TLL1: variants seen among roughly 807,000 people sequenced by gnomAD.
TLL1 encodes the protein tolloid like 1.
TLL1 carries 49 observed loss-of-function variants against 128.2 expected under a neutral mutation model. The ratio of observed to expected loss-of-function variants is 0.38; its 90% CI spans 0.30 to 0.48. The LOEUF (loss-of-function observed/expected upper bound fraction) is 0.48. Among genes scored for constraint, TLL1 ranks in the 20% least tolerant of loss-of-function variants. The pLI, the probability that TLL1 is intolerant of heterozygous loss-of-function variation, is 0.96. For synonymous variants in TLL1, 454 were observed against 418.8 expected (o/e 1.08, Z -1.03); for missense variants, 1,123 against 1,242.0 (o/e 0.90, Z 1.44).
chr4:165,997,148 T>G (rs1736920928), intron 5 of TLL1, among the ~76,000 whole-genome samples: 1 of 152,128 alleles, frequency 6.6e-6, no homozygotes, highest in African/African-American at 2.4e-5. Context: ...ACATCATATT[T>G]CATGATGATT....
intron 9 of TLL1, among the ~76,000 whole-genome samples, chr4:166,032,784 T>A (rs1183114691): frequency 6.6e-6 from 1 of 152,070 alleles, no homozygotes; most frequent in Non-Finnish European, 1.5e-5. Flanking sequence ...TAAAGTTGTT[T>A]TTATAAAAAT....
chr4:166,038,971 C>A (rs551263907), intron 9 of TLL1, among the ~76,000 whole-genome samples: 18 of 152,160 alleles, frequency 1.2e-4, no homozygotes, highest in African/African-American at 3.9e-4. Flanking sequence ...AAATAGAATT[C>A]TTCATGGCTC....
chr4:165,973,579 AG>A (rs1735729421), intron 1 of TLL1, among the ~76,000 whole-genome samples: 1 of 151,772 alleles, frequency 6.6e-6, no homozygotes, highest in African/African-American at 2.4e-5. Flanking sequence ...AGGGGAGGTA[AG>A]GGCAGATCTT....
chr4:165,874,295 G>A (rs967531299), intron 1 of TLL1, among the ~76,000 whole-genome samples: 3 of 151,950 alleles, frequency 2.0e-5, no homozygotes, highest in Non-Finnish European at 4.4e-5. Flanking sequence ...CCACTGCCAA[G>A]CTCCCATCTC....
intron 12 of TLL1, among the ~76,000 whole-genome samples, chr4:166,054,472 A>G (rs1012004925): frequency 6.6e-6 from 1 of 152,020 alleles, no homozygotes; most frequent in African/African-American, 2.4e-5. Flanking sequence ...TGCGCAGGTT[A>G]GTTACATATG....
rs1442657878 is a variant in TLL1 at position 166,042,066 on chromosome 4, C to T, written c.1301C>T (p.Ser434Phe). The part of the protein sequence containing the change: ...CGDKLPEVLT[S>F]TDSRMWIEFR... ...GACAAATTGCCTGAAGTTCTTACTTCTACAGACAGCAGAATGTGGATTGAG... is the reference window on the plus strand; with the variant it reads ...GACAAATTGCCTGAAGTTCTTACTTTTACAGACAGCAGAATGTGGATTGAG... The change falls in exon 11 of 21, where the codon TCT becomes TTT. Residue 434 changes from serine (S) to phenylalanine (F), a missense_variant. Ser to Phe is a radical substitution (Grantham distance 155). Coordinates refer to ENST00000061240, the MANE Select transcript of TLL1 (RefSeq NM_012464.5). 1.2e-6 allele frequency: 2 copies of T among 1,612,132 alleles called. No homozygotes were observed.
At chr4:165,954,953 C>T (rs1734711707) in intron 1 of TLL1, among the ~76,000 whole-genome samples, 3 of 152,040 alleles carry the variant, frequency 2.0e-5, no homozygotes, top group Non-Finnish European at 4.4e-5. Flanking sequence ...GCAATGGTTC[C>T]TAACCAGACT....
chr4:165,874,702 T>C (rs1400750985), intron 1 of TLL1, among the ~76,000 whole-genome samples: 1 of 152,262 alleles, frequency 6.6e-6, no homozygotes, highest in African/African-American at 2.4e-5. Context: ...TTTAAGTTGC[T>C]ACCCCATTCA....
chr4:166,045,201 C>T (rs1464204353), intron 12 of TLL1, among the ~76,000 whole-genome samples: 1 of 152,112 alleles, frequency 6.6e-6, no homozygotes, highest in Non-Finnish European at 1.5e-5. Flanking sequence ...TACTTTATTT[C>T]TATATGTTTC....
chr4:165,975,964 G>A (rs893863093), intron 1 of TLL1, among the ~76,000 whole-genome samples: 2 of 147,050 alleles, frequency 1.4e-5, no homozygotes, highest in East Asian at 4.0e-4. Context: ...CTGGAATCCG[G>A]GAGGTAGAGG....
At chr4:165,918,008 G>A (rs1732863112) in intron 1 of TLL1, among the ~76,000 whole-genome samples, 1 of 152,048 alleles carries the variant, frequency 6.6e-6, no homozygotes, top group Non-Finnish European at 1.5e-5. Context: ...GTTATTTGAA[G>A]ATGTAATTTT....
chr4:166,065,532 C>T (rs1325104485), intron 15 of TLL1, 151 bp from the exon 16 acceptor site: 4 of 712,234 alleles, frequency 5.6e-6, no homozygotes, highest in Admixed American at 2.3e-5. Context: ...GCATGAGTCA[C>T]TGTGTCTGAC....
At chr4:166,039,297 C>T (rs753801586) in intron 9 of TLL1, 42 bp from the exon 10 acceptor site, 1 of 1,387,906 alleles carries the variant, frequency 7.2e-7, no homozygotes, top group South Asian at 1.2e-5. Context: ...TATGTAGATA[C>T]AATCATTTTT....
intron 9 of TLL1, chr4:166,030,589 G>T: frequency 1.8e-6 from 1 of 555,338 alleles, no homozygotes; most frequent in South Asian, 4.0e-5. Context: ...CATATGTAAT[G>T]ACATGAAGTT....
At position 166,042,051 on chromosome 4, in the gene TLL1, C is replaced by T; in HGVS notation, c.1286C>T (p.Pro429Leu). ...LLGRFCGDKLPEVLTSTDSRM... is the reference protein window; with the variant it reads ...LLGRFCGDKLLEVLTSTDSRM... ...GGTAGATTCTGTGGGGACAAATTGC[C>T]TGAAGTTCTTACTTCTACAGACAGC... Residue 429 changes from proline to leucine, a missense_variant, in exon 11 of 21, where the codon CCT (proline) becomes CTT (leucine). Around this residue, in one of 3 missense-constraint regions of TLL1, gnomAD observed 480 missense variants for 542.4 expected, o/e 0.89. Transcript: ENST00000061240. 6.2e-7 allele frequency: 1 copy of T among 1,611,796 alleles called. No individual in the cohort carries two copies. Among genetic ancestry groups the T allele is most frequent in the Non-Finnish European group, 8.5e-7 (1 of 1,178,320 alleles).
rs1402814019 is a variant in TLL1, at chr4:166,102,824, T to C, written c.*1948T>C. 6.6e-6 allele frequency: 1 copy of C among 151,990 alleles called. No individual in the cohort carries two copies. The highest frequency in any genetic ancestry group is 1.5e-5 in the Non-Finnish European group (1 of 67,908). The allele number at this position is 151,990 out of a possible 1,614,324, so 9.4% of individuals were successfully genotyped here. Reference sequence around the variant, plus strand: ...ATGTTACTTTGAAAATGTATAACTATTGCCTGCAATGTAGATGAGCCTTTT... The same window carrying C: ...ATGTTACTTTGAAAATGTATAACTACTGCCTGCAATGTAGATGAGCCTTTT... On this transcript the variant is annotated 3_prime_UTR_variant, in exon 21 of 21. Transcript: ENST00000061240.
chr4:166,059,821 C>G (rs1740219222), intron 14 of TLL1, among the ~76,000 whole-genome samples: 1 of 151,918 alleles, frequency 6.6e-6, no homozygotes, highest in African/African-American at 2.4e-5. Context: ...GGCTACTAAG[C>G]TACAAAATAA....
chr4:165,887,422 T>G (rs1731211983), intron 1 of TLL1, among the ~76,000 whole-genome samples: 1 of 151,912 alleles, frequency 6.6e-6, no homozygotes, highest in Non-Finnish European at 1.5e-5. Flanking sequence ...GTCAAGAAAG[T>G]AAAAGAAAAG....
intron 18 of TLL1, among the ~76,000 whole-genome samples, chr4:166,082,034 A>G (rs1474188211): frequency 6.6e-6 from 1 of 152,208 alleles, no homozygotes; most frequent in Non-Finnish European, 1.5e-5. Flanking sequence ...ACCTGCTGGT[A>G]TCCTAAGAAG....
Sources: allele counts gnomAD v4.1 joint callset (sites outside exome capture counted in the v4.1 genomes callset), GRCh38; gene constraint gnomAD v4.1.1; regional missense constraint gnomAD v4.1.1; transcripts MANE v1.5; gene names NCBI Gene and HGNC (gene_info 2026-07-23, HGNC 2026-07-21).